ZNF536: variants seen among roughly 807,000 people sequenced by gnomAD.
The protein encoded by ZNF536 is zinc finger protein 536.
A neutral mutation model predicts 84.5 loss-of-function variants in ZNF536; 13 were observed. That is an observed-to-expected ratio of 0.15 (90% confidence interval 0.10 to 0.24). ZNF536 has a LOEUF of 0.24. Among genes scored for constraint, ZNF536 ranks in the 10% least tolerant of loss-of-function variants. The probability of loss-of-function intolerance (pLI) is 1.00; values close to 1 mark genes in which losing one functional copy is unlikely to be tolerated. For missense variants in ZNF536, 1,536 were observed against 1,747.5 expected (o/e 0.88, Z 2.16); for synonymous variants, 811 against 742.5 (o/e 1.09, Z -1.50).
At chr19:30,484,664 T>C (rs964805828) in intron 2 of ZNF536, among the ~76,000 whole-genome samples, 6 of 146,624 alleles carry the variant, frequency 4.1e-5, no homozygotes, top group Non-Finnish European at 5.9e-5. Flanking sequence ...CACTTTCTTT[T>C]TTCTTCTTCT....
chr19:30,622,698 A>C (rs897045015), intron 1 of ZNF536, among the ~76,000 whole-genome samples: 1 of 152,188 alleles, frequency 6.6e-6, no homozygotes, highest in Admixed American at 6.5e-5. Flanking sequence ...CCCGCTACGC[A>C]GCTGTAGGTT....
intron 2 of ZNF536, among the ~76,000 whole-genome samples, chr19:30,349,437 T>C (rs2047859170): frequency 6.6e-6 from 1 of 152,162 alleles, no homozygotes; most frequent in Non-Finnish European, 1.5e-5. Context: ...ACTTCCAAGG[T>C]ACAGTCCTTC....
chr19:30,663,490 C>T (rs1401764971), intron 1 of ZNF536, among the ~76,000 whole-genome samples: 1 of 152,186 alleles, frequency 6.6e-6, no homozygotes, highest in Non-Finnish European at 1.5e-5. Context: ...CAAATATTTA[C>T]CTTAGAAATG....
intron 2 of ZNF536, among the ~76,000 whole-genome samples, chr19:30,493,400 CT>C (rs952024857): frequency 1.3e-5 from 2 of 152,046 alleles, no homozygotes; most frequent in African/African-American, 4.8e-5. Flanking sequence ...TTCCTTCAGA[CT>C]TTTTTTCTAA....
In ZNF536 at chr19:30,699,110, G is replaced by GT. The variant is rs532227084; in HGVS notation, c.170-11638dup. ...CCCACTCCACCATCAATATGTGGGG[G>GT]TTTTTTTTTAGTACTTTCTTACTTT... On this transcript the variant is annotated intron_variant, in intron 1 of 1. Transcript: ENST00000592773. Among the ~76,000 whole-genome samples the GT allele has an allele frequency of 2.2e-3, 329 of 151,368 alleles. 6 individuals carry two copies. In the South Asian group the frequency reaches 0.032, roughly 15 times the overall value.
At chr19:30,578,746 C>T (rs753727469) in intron 1 of ZNF536, among the ~76,000 whole-genome samples, 6 of 152,166 alleles carry the variant, frequency 3.9e-5, no homozygotes, top group African/African-American at 4.8e-5. Flanking sequence ...ACTTGAGGCC[C>T]GACACTGCTC....
chr19:30,688,853 C>T (rs1397431269), intron 1 of ZNF536, among the ~76,000 whole-genome samples: 5 of 152,216 alleles, frequency 3.3e-5, no homozygotes, highest in Non-Finnish European at 7.3e-5. Context: ...TACACATCAC[C>T]CTGGCTGGCC....
At chr19:30,259,612 C>T (rs2025091680) in intron 1 of ZNF536, among the ~76,000 whole-genome samples, 1 of 152,216 alleles carries the variant, frequency 6.6e-6, no homozygotes. Flanking sequence ...AGGCTAGAAG[C>T]CCAATCCCCA....
chr19:30,481,012 G>GAGTT (rs34940265), intron 2 of ZNF536, among the ~76,000 whole-genome samples: 13,298 of 147,600 alleles, frequency 0.09, 727 homozygotes, highest in Middle Eastern at 0.27. Context: ...CTGGGCAACA[G>GAGTT]AGTTAGACCC....
At chr19:30,546,876 T>G (rs2045579463) in intron 3 of ZNF536, among the ~76,000 whole-genome samples, 1 of 152,208 alleles carries the variant, frequency 6.6e-6, no homozygotes. Context: ...TATATTTAAA[T>G]CTGCAGTCGT....
At position 30,444,837 on chromosome 19, in the gene ZNF536, C is replaced by A. The variant is rs1457983956; in HGVS notation, c.1275C>A (p.Asn425Lys). ...MGGMSQEAHA[N>K]LYSRYLSCLQ... is the part of the protein sequence containing the mutation. ...GCATGTCCCAGGAGGCCCACGCCAA[C>A]CTGTACTCCAGGTACCTCTCCTGCC... The change falls in exon 2 of 5, where the codon AAC becomes AAA. Residue 425 changes from asparagine to lysine, a missense_variant. Asn to Lys is a moderately conservative substitution (Grantham distance 94). This residue lies in a region of ZNF536 where 366 missense variants were observed against 364.4 expected (regional missense o/e 1.00). Transcript: ENST00000355537. 1.9e-6 allele frequency: 3 copies of A among 1,613,638 alleles called. No homozygotes were observed. The African/African-American group carries it at 4.0e-5, about 22-fold the overall frequency.
At chr19:30,346,553 C>T (rs2047748628) in intron 2 of ZNF536, among the ~76,000 whole-genome samples, 1 of 152,174 alleles carries the variant, frequency 6.6e-6, no homozygotes, top group South Asian at 2.1e-4. Context: ...CATGTGTTCT[C>T]ATCATTTAGT....
chr19:30,325,001 C>T (rs2046976948), intron 2 of ZNF536, among the ~76,000 whole-genome samples: 1 of 152,170 alleles, frequency 6.6e-6, no homozygotes, highest in African/African-American at 2.4e-5. Flanking sequence ...CAAAGTCATA[C>T]AATGGGTGTG....
At chr19:30,603,380 T>C (rs1215945440) in intron 1 of ZNF536, among the ~76,000 whole-genome samples, 1 of 152,206 alleles carries the variant, frequency 6.6e-6, no homozygotes, top group African/African-American at 2.4e-5. Context: ...GGCTTATATT[T>C]TCCAAGCCAT....
chr19:30,571,614 CCTA>C (rs1181439393), intron 1 of ZNF536, among the ~76,000 whole-genome samples: 1 of 152,146 alleles, frequency 6.6e-6, no homozygotes, highest in Admixed American at 6.5e-5. Context: ...TGGTGCTGGC[CCTA>C]CATGTTTCTC....
chr19:30,593,010 C>T (rs749296896), intron 1 of ZNF536, among the ~76,000 whole-genome samples: 3 of 152,176 alleles, frequency 2.0e-5, no homozygotes, highest in African/African-American at 4.8e-5. Flanking sequence ...TACCTGGAGC[C>T]GAACCCTTCA....
At chr19:30,610,449 G>A (rs1460378493) in intron 1 of ZNF536, among the ~76,000 whole-genome samples, 9 of 152,146 alleles carry the variant, frequency 5.9e-5, no homozygotes, top group African/African-American at 2.2e-4. Context: ...CCTCTGGGTG[G>A]GGGAGGCTAA....
At chr19:30,673,113 C>T (rs1326327092) in intron 1 of ZNF536, among the ~76,000 whole-genome samples, 3 of 152,280 alleles carry the variant, frequency 2.0e-5, no homozygotes, top group African/African-American at 7.2e-5. Context: ...GTGCCCCTGT[C>T]ACATGAGAAT....
intron 1 of ZNF536, among the ~76,000 whole-genome samples, chr19:30,282,475 C>G (rs11084512): frequency 1.3e-5 from 2 of 152,008 alleles, no homozygotes; most frequent in Non-Finnish European, 2.9e-5. Context: ...GGACTTCCCC[C>G]GATGAAGACT....
Sources: gnomAD v4.1 joint callset for allele counts (sites outside exome capture counted in the v4.1 genomes callset) on GRCh38, gnomAD v4.1.1 for gene constraint, gnomAD v4.1.1 regional missense constraint, MANE v1.5 for transcripts, NCBI Gene and HGNC (gene_info 2026-07-23, HGNC 2026-07-21) for gene names.